Variants in NUCB2 observed in about 807,000 individuals in gnomAD.
NUCB2 encodes nucleobindin 2.
A neutral mutation model predicts 57.9 loss-of-function variants in NUCB2; 48 were observed. The observed-to-expected ratio is 0.83, with a 90% CI of 0.66 to 1.05. NUCB2 has a LOEUF of 1.05. NUCB2 is among the 50% of genes least tolerant of loss of function. The probability of loss-of-function intolerance (pLI) is 0.00; values close to 1 mark genes in which losing one functional copy is unlikely to be tolerated. For missense variants in NUCB2, 442 were observed against 476.2 expected, an observed-to-expected ratio of 0.93 and a Z score of 0.67; for synonymous variants, 139 against 152.1, an observed-to-expected ratio of 0.91 and a Z score of 0.64.
intron 5 of NUCB2, among the ~76,000 whole-genome samples, chr11:17,309,180 G>T (rs1384584470): frequency 6.6e-6 from 1 of 151,954 alleles, no homozygotes; most frequent in Admixed American, 6.6e-5. Context: ...AATTAGCCAG[G>T]CGTAGTGGTG....
chr11:17,293,675 T>C (rs1403399406), intron 2 of NUCB2, among the ~76,000 whole-genome samples: 1 of 152,158 alleles, frequency 6.6e-6, no homozygotes, highest in Non-Finnish European at 1.5e-5. Context: ...TAAACAAATA[T>C]GGCATATGTA....
chr11:17,311,402 A>C, intron 8 of NUCB2, 119 bp downstream of exon 8: 1 of 678,718 alleles, frequency 1.5e-6, no homozygotes, highest in Non-Finnish European at 2.4e-6. Flanking sequence ...AAATGGTTAG[A>C]GTTTTTCTAG....
intron 11 of NUCB2, among the ~76,000 whole-genome samples, chr11:17,320,922 C>A (rs1949935545): frequency 6.6e-6 from 1 of 151,984 alleles, no homozygotes; most frequent in Admixed American, 6.6e-5. Flanking sequence ...AAGGTGTATT[C>A]AGACAAGTTT....
chr11:17,294,013 T>C (rs1453120967), intron 2 of NUCB2, among the ~76,000 whole-genome samples: 1 of 152,202 alleles, frequency 6.6e-6, no homozygotes, highest in African/African-American at 2.4e-5. Context: ...AAACACTGAA[T>C]AGTATAATTT....
intron 2 of NUCB2, among the ~76,000 whole-genome samples, chr11:17,346,456 G>A (rs1286896966): frequency 2.2e-5 from 3 of 135,554 alleles, no homozygotes; most frequent in Non-Finnish European, 3.4e-5. Context: ...ATGTTATGAA[G>A]AGTCTAATAA....
At chr11:17,348,307 GT>G (rs1268159079) in intron 2 of NUCB2, among the ~76,000 whole-genome samples, 4 of 77,832 alleles carry the variant, frequency 5.1e-5, no homozygotes, top group African/African-American at 2.4e-4. Context: ...GGTGTTTTTT[GT>G]TTGTTTTTGT....
chr11:17,292,884 A>C (rs1945169291), intron 2 of NUCB2, among the ~76,000 whole-genome samples: 1 of 152,186 alleles, frequency 6.6e-6, no homozygotes, highest in Admixed American at 6.6e-5. Flanking sequence ...GGATCAATTA[A>C]ATCTTTAGGA....
intron 2 of NUCB2, among the ~76,000 whole-genome samples, chr11:17,343,732 T>C (rs1952485132): frequency 6.6e-6 from 1 of 152,240 alleles, no homozygotes; most frequent in African/African-American, 2.4e-5. Context: ...TGGAGGTATT[T>C]ATTGAAGTAT....
intron 11 of NUCB2, among the ~76,000 whole-genome samples, chr11:17,326,225 C>T (rs564376934): frequency 7.9e-5 from 12 of 151,764 alleles, no homozygotes; most frequent in African/African-American, 2.7e-4. Flanking sequence ...GTCTCGAACT[C>T]CCAACCTAAG....
At chr11:17,291,826 T>C (rs908662761) in intron 2 of NUCB2, among the ~76,000 whole-genome samples, 3 of 152,120 alleles carry the variant, frequency 2.0e-5, no homozygotes, top group African/African-American at 7.2e-5. Context: ...TCATTTTTAT[T>C]GTGTCTAGAT....
rs1450173140 is a variant in NUCB2, at chr11:17,331,553, A to G, written c.*134A>G. The G allele has an allele frequency of 3.8e-6, 2 of 530,052 alleles. No individual in the cohort carries two copies. Among genetic ancestry groups the G allele is most frequent in the Admixed American group, 3.9e-5 (1 of 25,404 alleles). The allele number at this position is 530,052 out of a possible 1,614,324, so 32.8% of individuals were successfully genotyped here. ...TGAAATAAAGGGAGATACTTTTTAA[A>G]TGAAAACACTTTTTTTGGGACACAG... On this transcript the variant is annotated 3_prime_UTR_variant, in exon 14 of 14. Transcript: ENST00000529010.
At chr11:17,314,800 G>C (rs943287185) in intron 10 of NUCB2, among the ~76,000 whole-genome samples, 2 of 152,182 alleles carry the variant, frequency 1.3e-5, no homozygotes, top group African/African-American at 4.8e-5. Context: ...GTTGACTGCT[G>C]ACATCCCAAC....
At chr11:17,349,251 T>C (rs888813057) in intron 2 of NUCB2, 1 of 152,248 alleles carries the variant, frequency 6.6e-6, no homozygotes, top group Non-Finnish European at 1.5e-5. Context: ...CTCAGCTCCT[T>C]TACTCATTTG....
chr11:17,335,693 G>A (rs967914114), downstream of NUCB2, among the ~76,000 whole-genome samples: 1 of 152,112 alleles, frequency 6.6e-6, no homozygotes, highest in Admixed American at 6.6e-5. Context: ...GTAGAGGCGG[G>A]GTTTCACCAT....
chr11:17,315,599 T>A (rs985306488), intron 11 of NUCB2, 124 bp downstream of exon 11: 1 of 468,564 alleles, frequency 2.1e-6, no homozygotes, highest in South Asian at 6.4e-5. Context: ...GATTTTTATA[T>A]AAATGTCAGT....
intron 2 of NUCB2, among the ~76,000 whole-genome samples, chr11:17,343,499 T>C (rs1174422319): frequency 6.6e-6 from 1 of 152,242 alleles, no homozygotes; most frequent in African/African-American, 2.4e-5. Context: ...ATATGCAGTC[T>C]GTGCCATGTT....
intron 1 of NUCB2, among the ~76,000 whole-genome samples, chr11:17,282,242 A>ATCTG (rs1465883881): frequency 0.031 from 3,754 of 119,388 alleles, 97 homozygotes; most frequent in East Asian, 0.096. Flanking sequence ...CTATCTATAT[A>ATCTG]TATATATATA....
In NUCB2 at chr11:17,287,193, G is replaced by A. The variant is rs776650112; in HGVS notation, c.-1+4250G>A. 7.9e-5 allele frequency among the ~76,000 whole-genome samples: 12 copies of A among 151,944 alleles called. No individual in the cohort carries two copies. The East Asian group carries it at 9.7e-4, about 12-fold the overall frequency. The stretch of plus-strand genomic sequence containing the variant: ...AAAAAATATATATATATATCACCAC[G>A]CATGGTGGCTTGCTTGTGGTCCCAG... On this transcript the variant is annotated intron_variant, in intron 2 of 13. Coordinates refer to ENST00000529010, the MANE Select transcript of NUCB2 (RefSeq NM_005013.4).
At chr11:17,345,799 A>G (rs1336633431) in intron 2 of NUCB2, among the ~76,000 whole-genome samples, 1 of 152,164 alleles carries the variant, frequency 6.6e-6, no homozygotes, top group Non-Finnish European at 1.5e-5. Context: ...GATTACTTAG[A>G]TTTATTTTTT....
Sources: gnomAD v4.1 joint callset for allele counts (sites outside exome capture counted in the v4.1 genomes callset) on GRCh38, gnomAD v4.1.1 for gene constraint, MANE v1.5 for transcripts, NCBI Gene and HGNC (gene_info 2026-07-23, HGNC 2026-07-21) for gene names.